Variants in GRM1 observed in about 807,000 individuals in gnomAD.
The protein encoded by GRM1 is glutamate metabotropic receptor 1.
A neutral mutation model predicts 90.9 loss-of-function variants in GRM1; 33 were observed. The observed-to-expected ratio is 0.36, with a 90% CI of 0.28 to 0.49. GRM1 has a LOEUF of 0.49. Ranked by LOEUF, GRM1 falls within the 20% of genes least tolerant of loss-of-function variation. GRM1 has a pLI of 0.99. For synonymous variants in GRM1, 700 were observed against 613.2 expected (o/e 1.14, Z -2.09); for missense variants, 1,190 against 1,534.3 (o/e 0.78, Z 3.75).
chr6:146,323,482 T>C (rs994823194), intron 3 of GRM1, among the ~76,000 whole-genome samples: 2 of 152,212 alleles, frequency 1.3e-5, no homozygotes, highest in African/African-American at 4.8e-5. Flanking sequence ...TTGTAGATTC[T>C]GGATATTAGC....
At chr6:146,324,028 T>C (rs1340824479) in intron 3 of GRM1, among the ~76,000 whole-genome samples, 1 of 152,232 alleles carries the variant, frequency 6.6e-6, no homozygotes, top group East Asian at 1.9e-4. Context: ...GGTAGCATGA[T>C]GCCTCTGGCT....
chr6:146,338,818 G>T (rs949859385), intron 3 of GRM1, among the ~76,000 whole-genome samples: 3 of 151,982 alleles, frequency 2.0e-5, no homozygotes, highest in Non-Finnish European at 4.4e-5. Context: ...CTCCACACTC[G>T]GTATCTCCTC....
At chr6:146,317,573 A>G (rs948484205) in intron 3 of GRM1, among the ~76,000 whole-genome samples, 1 of 152,200 alleles carries the variant, frequency 6.6e-6, no homozygotes, top group Non-Finnish European at 1.5e-5. Flanking sequence ...GGCTAGATAT[A>G]CTGTGACAAG....
At chr6:146,348,408 C>T (rs1163382599) in intron 3 of GRM1, among the ~76,000 whole-genome samples, 1 of 152,166 alleles carries the variant, frequency 6.6e-6, no homozygotes, top group African/African-American at 2.4e-5. Context: ...GTCACATGTT[C>T]CTGCATGCTA....
At chr6:146,322,287 G>A (rs1262038113) in intron 3 of GRM1, among the ~76,000 whole-genome samples, 1 of 152,144 alleles carries the variant, frequency 6.6e-6, no homozygotes, top group African/African-American at 2.4e-5. Flanking sequence ...ATCCCAGAGG[G>A]TACCCACCAG....
At chr6:146,184,698 G>A (rs1354119286) in intron 2 of GRM1, among the ~76,000 whole-genome samples, 6 of 152,004 alleles carry the variant, frequency 3.9e-5, no homozygotes, top group Admixed American at 1.3e-4. Flanking sequence ...AACTTAAATC[G>A]ATAAACATTT....
intron 1 of GRM1, among the ~76,000 whole-genome samples, chr6:146,124,863 A>G (rs547115040): frequency 2.2e-4 from 33 of 152,308 alleles, no homozygotes; most frequent in African/African-American, 7.7e-4. Flanking sequence ...ATAACCACAG[A>G]GCTCTGGGAG....
chr6:146,388,059 T>A lies in GRM1; in HGVS notation c.1729+1043T>A, dbSNP rs541298538. On this transcript the variant is annotated intron_variant, in intron 6 of 7. Coordinates refer to ENST00000282753, the MANE Select transcript of GRM1 (RefSeq NM_001278064.2). Reference sequence around the variant, plus strand: ...GAGTTTGTAAGTTTCCTAAGAGTGATGTTCATATAAATGAATTTTGTTTTT... The same window carrying A: ...GAGTTTGTAAGTTTCCTAAGAGTGAAGTTCATATAAATGAATTTTGTTTTT... Among the ~76,000 whole-genome samples the A allele has an allele frequency of 7.2e-5, 11 of 152,214 alleles. No individual in the cohort carries two copies. The East Asian group carries it at 2.1e-3, about 29-fold the overall frequency.
rs576912974 is a variant in GRM1, at chr6:146,329,694, A to G, written c.1187-22556A>G. ...TTGTAAGTTGAAAGTACTATAAATC[A>G]AAAATGTGTTGAATACACCTAACCT... is the stretch of plus-strand genomic sequence containing the variant. On this transcript the variant is annotated intron_variant, in intron 3 of 7. Coordinates refer to ENST00000282753, the MANE Select transcript of GRM1 (RefSeq NM_001278064.2). 5.9e-5 allele frequency among the ~76,000 whole-genome samples: 9 copies of G among 152,326 alleles called. No individual in the cohort carries two copies. In the East Asian group the frequency reaches 1.7e-3, roughly 29 times the overall value.
At chr6:146,298,407 C>T (rs1169322448) in intron 2 of GRM1, among the ~76,000 whole-genome samples, 10 of 152,090 alleles carry the variant, frequency 6.6e-5, no homozygotes, top group South Asian at 4.2e-4. Context: ...ATTTTAGTAA[C>T]GAGGCTGAGC....
At chr6:146,211,121 G>C (rs1004511430) in intron 2 of GRM1, among the ~76,000 whole-genome samples, 2 of 147,298 alleles carry the variant, frequency 1.4e-5, no homozygotes, top group African/African-American at 5.2e-5. Context: ...AGTTATATAG[G>C]GAAGAAAAAA....
At chr6:146,058,974 T>C (rs1311917660) in intron 1 of GRM1, among the ~76,000 whole-genome samples, 1 of 152,170 alleles carries the variant, frequency 6.6e-6, no homozygotes, top group Non-Finnish European at 1.5e-5. Context: ...ACTTTCTCCA[T>C]TGAAGTCTTA....
intron 2 of GRM1, among the ~76,000 whole-genome samples, chr6:146,264,278 A>G (rs1005491211): frequency 6.6e-6 from 1 of 152,072 alleles, no homozygotes; most frequent in Non-Finnish European, 1.5e-5. Context: ...GAGTCATTAG[A>G]TACTCCAATT....
chr6:146,043,812 A>ATATATATATATATATATATATATATAT (rs1791221207), intron 1 of GRM1, among the ~76,000 whole-genome samples: 2 of 70,340 alleles, frequency 2.8e-5, no homozygotes, highest in African/African-American at 4.5e-5. Flanking sequence ...TATATATATA[A>ATATATATATATATATATATATATATAT]AGGGAAGTGA....
intron 2 of GRM1, among the ~76,000 whole-genome samples, chr6:146,258,177 A>T (rs1427256726): frequency 6.6e-6 from 1 of 152,104 alleles, no homozygotes; most frequent in Non-Finnish European, 1.5e-5. Flanking sequence ...GACTTGCCTG[A>T]TTTCTATCAG....
At chr6:146,272,832 A>G in intron 2 of GRM1, among the ~76,000 whole-genome samples, 1 of 152,182 alleles carries the variant, frequency 6.6e-6, no homozygotes, top group East Asian at 1.9e-4. Context: ...AAAAACAAGG[A>G]TTGCAACCAT....
chr6:146,190,206 C>T (rs1778890317), intron 2 of GRM1, among the ~76,000 whole-genome samples: 1 of 152,130 alleles, frequency 6.6e-6, no homozygotes, highest in Non-Finnish European at 1.5e-5. Context: ...CTTGACTCTA[C>T]CAAAATCCTA....
chr6:146,069,557 T>A (rs1775959385), intron 1 of GRM1, among the ~76,000 whole-genome samples: 1 of 152,202 alleles, frequency 6.6e-6, no homozygotes. Context: ...GGAGGCCAGT[T>A]TTCAGCTGTA....
At chr6:146,339,084 A>G (rs991463206) in intron 3 of GRM1, among the ~76,000 whole-genome samples, 7 of 152,260 alleles carry the variant, frequency 4.6e-5, no homozygotes, top group Admixed American at 1.3e-4. Flanking sequence ...ACAGCTAAGT[A>G]GGCAATTTTC....
Sources: allele counts gnomAD v4.1 joint callset (sites outside exome capture counted in the v4.1 genomes callset), GRCh38; gene constraint gnomAD v4.1.1; transcripts MANE v1.5; gene names NCBI Gene and HGNC (gene_info 2026-07-23, HGNC 2026-07-21).